The following RBFOX1 variants were observed in gnomAD, a reference collection of about 807,000 sequenced individuals.
The protein encoded by RBFOX1 is RNA binding fox-1 homolog 1, also known as RNA binding protein fox-1 homolog 1.
Under a neutral mutation model 57.7 loss-of-function variants are expected in RBFOX1, and 8 were observed. The observed-to-expected ratio is 0.14, with a 90% CI of 0.08 to 0.25. RBFOX1 has a LOEUF of 0.25. Among genes scored for constraint, RBFOX1 ranks in the 10% least tolerant of loss-of-function variants. The pLI, the probability that RBFOX1 is intolerant of heterozygous loss-of-function variation, is 1.00. For missense variants in RBFOX1, 611 were observed against 548.5 expected (o/e 1.11, Z -1.14); for synonymous variants, 326 against 222.4 (o/e 1.47, Z -4.15).
chr16:6,100,000 C>G (rs549013457), intron 1 of RBFOX1, among the ~76,000 whole-genome samples: 2 of 152,266 alleles, frequency 1.3e-5, no homozygotes, highest in African/African-American at 4.8e-5. Context: ...CTAGATAAAA[C>G]AAGATGCATG....
chr16:7,658,187 C>G (rs1424604763), intron 12 of RBFOX1, among the ~76,000 whole-genome samples: 1 of 152,168 alleles, frequency 6.6e-6, no homozygotes, highest in Non-Finnish European at 1.5e-5. Flanking sequence ...CACCCACAGT[C>G]TTCTTTCTCA....
intron 3 of RBFOX1, among the ~76,000 whole-genome samples, chr16:5,686,261 G>T (rs1040850514): frequency 6.6e-6 from 1 of 152,158 alleles, no homozygotes; most frequent in Non-Finnish European, 1.5e-5. Context: ...AATGGAACTG[G>T]GCACTGTGGG....
chr16:6,955,415 C>G (rs1015516641), intron 3 of RBFOX1, among the ~76,000 whole-genome samples: 1 of 151,872 alleles, frequency 6.6e-6, no homozygotes, highest in African/African-American at 2.4e-5. Context: ...TCTGGACTTA[C>G]TGATTAATTT....
chr16:7,383,655 A>G (rs56374510), intron 4 of RBFOX1, among the ~76,000 whole-genome samples: 2,466 of 152,284 alleles, frequency 0.016, 73 homozygotes, highest in African/African-American at 0.056. Context: ...AAATTTAAAA[A>G]TAAGATGCAA....
intron 3 of RBFOX1, among the ~76,000 whole-genome samples, chr16:6,926,319 A>G (rs548614971): frequency 2.3e-4 from 35 of 152,204 alleles, no homozygotes; most frequent in African/African-American, 7.5e-4. Flanking sequence ...AGAAAAAACA[A>G]AAACAAAAAC....
intron 2 of RBFOX1, among the ~76,000 whole-genome samples, chr16:6,592,494 G>A (rs1289828225): frequency 6.6e-6 from 1 of 152,204 alleles, no homozygotes; most frequent in Non-Finnish European, 1.5e-5. Flanking sequence ...TGGTAAAATG[G>A]AGCGTGCATT....
At chr16:7,223,712 G>GAAAAAAAAAAAAAAAAAA (rs71147673) in intron 4 of RBFOX1, among the ~76,000 whole-genome samples, 1 of 130,458 alleles carries the variant, frequency 7.7e-6, no homozygotes, top group Non-Finnish European at 1.7e-5. Context: ...CAGTGTTTCA[G>GAAAAAAAAAAAAAAAAAA]AAAAAAAAAA....
chr16:5,828,101 C>G (rs1415471826), intron 3 of RBFOX1, among the ~76,000 whole-genome samples: 1 of 151,948 alleles, frequency 6.6e-6, no homozygotes, highest in Non-Finnish European at 1.5e-5. Flanking sequence ...TGCCTTCTGT[C>G]TAACCATTAA....
chr16:7,068,128 T>C (rs1162081502), intron 4 of RBFOX1, among the ~76,000 whole-genome samples: 2 of 152,046 alleles, frequency 1.3e-5, no homozygotes, highest in African/African-American at 4.8e-5. Flanking sequence ...TCCACCCAGA[T>C]TATCCAGGAT....
At chr16:7,040,871 G>A (rs978615839) in intron 3 of RBFOX1, among the ~76,000 whole-genome samples, 3 of 152,058 alleles carry the variant, frequency 2.0e-5, no homozygotes, top group Non-Finnish European at 4.4e-5. Context: ...CTCACTGCGT[G>A]ATTCTGTAAA....
chr16:6,450,839 G>GTGTGTATATA (rs1468033155), intron 2 of RBFOX1, among the ~76,000 whole-genome samples: 1 of 13,610 alleles, frequency 7.3e-5, no homozygotes, highest in African/African-American at 3.5e-4. Flanking sequence ...ATATATATGT[G>GTGTGTATATA]TATATATATA....
At chr16:7,062,282 C>A (rs530274650) in intron 4 of RBFOX1, among the ~76,000 whole-genome samples, 1 of 133,110 alleles carries the variant, frequency 7.5e-6, no homozygotes, top group African/African-American at 2.9e-5. Context: ...CATGCCACTG[C>A]ACTCCAGTCT....
At chr16:7,356,540 C>T (rs770819888) in intron 4 of RBFOX1, among the ~76,000 whole-genome samples, 4 of 151,872 alleles carry the variant, frequency 2.6e-5, no homozygotes, top group Admixed American at 6.6e-5. Flanking sequence ...GGTGGGGGGC[C>T]GATTGAGGCA....
intron 4 of RBFOX1, among the ~76,000 whole-genome samples, chr16:5,963,602 C>T (rs2059791942): frequency 6.6e-6 from 1 of 152,158 alleles, no homozygotes; most frequent in Admixed American, 6.5e-5. Context: ...GAAATAAATC[C>T]ATACATCTAT....
At chr16:6,517,252 A>G (rs17443349) in intron 2 of RBFOX1, among the ~76,000 whole-genome samples, 5 of 152,202 alleles carry the variant, frequency 3.3e-5, no homozygotes, top group East Asian at 3.9e-4. Context: ...GCATTTTGAC[A>G]TCACCCACAA....
chr16:6,227,253 G>A (rs571052791), intron 1 of RBFOX1, among the ~76,000 whole-genome samples: 3 of 152,216 alleles, frequency 2.0e-5, no homozygotes, highest in East Asian at 1.9e-4. Flanking sequence ...CTCTTAAAAC[G>A]CACCCTCAGA....
intron 2 of RBFOX1, among the ~76,000 whole-genome samples, chr16:6,638,591 G>A (rs191765663): frequency 1.9e-4 from 29 of 152,294 alleles, no homozygotes; most frequent in Admixed American, 1.9e-3. Flanking sequence ...TATGTTCTTT[G>A]ATGAATGAAG....
intron 2 of RBFOX1, among the ~76,000 whole-genome samples, chr16:5,513,041 A>G (rs1009547397): frequency 1.3e-5 from 2 of 152,158 alleles, no homozygotes; most frequent in African/African-American, 4.8e-5. Context: ...TCAGCCTTAC[A>G]AATAGCCAGG....
rs530365430 is a variant in RBFOX1, at chr16:7,120,753, TCTCAA to T, written c.27+68661_27+68665del. ...AGAAAATAGAAGTGGAAGATATACT[TCTCAA>T]CTCAATTTATGAGTCTAACATTAAT... On this transcript the variant is annotated intron_variant, in intron 4 of 15. Coordinates refer to ENST00000550418, the MANE Select transcript of RBFOX1 (RefSeq NM_018723.4). Among the ~76,000 whole-genome samples, 534 of 149,144 alleles carry T rather than the reference TCTCAA, an allele frequency of 3.6e-3. 2 individuals carry two copies. Among genetic ancestry groups the T allele is most frequent in the Non-Finnish European group, 5.8e-3 (389 of 67,408 alleles).
Sources: gnomAD v4.1 joint callset for allele counts (sites outside exome capture counted in the v4.1 genomes callset) on GRCh38, gnomAD v4.1.1 for gene constraint, MANE v1.5 for transcripts, NCBI Gene and HGNC (gene_info 2026-07-23, HGNC 2026-07-21) for gene names.